RBMS3: variants seen among roughly 807,000 people sequenced by gnomAD.
RBMS3 encodes RNA binding motif single stranded interacting protein 3.
In RBMS3, 27 loss-of-function variants were observed where a neutral mutation model predicts 66.8. That is an observed-to-expected ratio of 0.40 (90% CI 0.30 to 0.56). The LOEUF (loss-of-function observed/expected upper bound fraction) is 0.56. Among genes scored for constraint, RBMS3 ranks in the 20% least tolerant of loss-of-function variants. The probability of loss-of-function intolerance (pLI) is 0.40; values close to 1 mark genes in which losing one functional copy is unlikely to be tolerated. For synonymous variants in RBMS3, 188 were observed against 183.0 expected, an observed-to-expected ratio of 1.03 and a Z score of -0.22; for missense variants, 513 against 549.5, an observed-to-expected ratio of 0.93 and a Z score of 0.66.
intron 5 of RBMS3, among the ~76,000 whole-genome samples, chr3:29,755,996 G>A (rs968223002): frequency 6.6e-6 from 1 of 152,148 alleles, no homozygotes; most frequent in Non-Finnish European, 1.5e-5. Context: ...TGCAAGTTCA[G>A]TGATAAACAG....
intron 2 of RBMS3, among the ~76,000 whole-genome samples, chr3:29,473,056 C>G (rs1219364573): frequency 6.6e-6 from 1 of 151,692 alleles, no homozygotes; most frequent in Non-Finnish European, 1.5e-5. Context: ...GGTGCATTCA[C>G]AAACCTTGAG....
At chr3:29,598,901 C>A (rs2048053728) in intron 4 of RBMS3, among the ~76,000 whole-genome samples, 1 of 151,714 alleles carries the variant, frequency 6.6e-6, no homozygotes, top group South Asian at 2.1e-4. Flanking sequence ...TTCAGTAGGG[C>A]AAAATGAAGA....
chr3:29,926,105 A>T (rs1364268403), intron 10 of RBMS3, among the ~76,000 whole-genome samples: 1 of 152,122 alleles, frequency 6.6e-6, no homozygotes, highest in African/African-American at 2.4e-5. Context: ...TAACCTTAGA[A>T]TATGTCTGTT....
chr3:29,878,666 T>C (rs150350620), intron 7 of RBMS3, among the ~76,000 whole-genome samples: 268 of 152,228 alleles, frequency 1.8e-3, no homozygotes, highest in Non-Finnish European at 2.9e-3. Flanking sequence ...TTTTCCCTCT[T>C]AAAAATTTTA....
chr3:29,354,249 ATG>A (rs1337142988), intron 1 of RBMS3, among the ~76,000 whole-genome samples: 1 of 152,064 alleles, frequency 6.6e-6, no homozygotes, highest in Non-Finnish European at 1.5e-5. Context: ...CTCATTCCAC[ATG>A]TGTGTGTATG....
At chr3:29,872,712 C>T (rs2059521405) in intron 7 of RBMS3, among the ~76,000 whole-genome samples, 1 of 152,174 alleles carries the variant, frequency 6.6e-6, no homozygotes, top group African/African-American at 2.4e-5. Flanking sequence ...GGTGCCTCCT[C>T]CAGGAGCATC....
At chr3:29,974,818 ATAAAATACGTTTATATATTTATAT>A in intron 12 of RBMS3, among the ~76,000 whole-genome samples, 3 of 117,818 alleles carry the variant, frequency 2.5e-5, no homozygotes, top group East Asian at 5.9e-4. Context: ...TATTTTATAT[ATAAAATACGTTTATATATTTATAT>A]TTTTATATAT....
chr3:30,001,828 T>C (rs1314968629), intron 14 of RBMS3, among the ~76,000 whole-genome samples: 1 of 151,842 alleles, frequency 6.6e-6, no homozygotes, highest in Non-Finnish European at 1.5e-5. Context: ...ATTTCTAAAA[T>C]GTCCAACTTA....
chr3:29,920,938 T>TG (rs1406565345), intron 10 of RBMS3, among the ~76,000 whole-genome samples: 1 of 152,120 alleles, frequency 6.6e-6, no homozygotes. Flanking sequence ...TGTGTACATT[T>TG]GGGGGTGCCG....
chr3:29,773,302 G>A (rs1310964112), intron 6 of RBMS3, among the ~76,000 whole-genome samples: 2 of 152,064 alleles, frequency 1.3e-5, no homozygotes, highest in South Asian at 2.1e-4. Flanking sequence ...TTTAGAGGTG[G>A]TGAATATGCA....
intron 2 of RBMS3, among the ~76,000 whole-genome samples, chr3:29,483,309 CAAAAAAAAA>C (rs72225547): frequency 1.7e-3 from 129 of 75,618 alleles, no homozygotes; most frequent in Non-Finnish European, 3.3e-3. Flanking sequence ...TTCGTCTTAA[CAAAAAAAAA>C]AAAAAAAGAA....
intron 3 of RBMS3, among the ~76,000 whole-genome samples, chr3:29,503,847 G>C (rs1299053770): frequency 1.3e-5 from 2 of 152,104 alleles, no homozygotes; most frequent in Admixed American, 6.6e-5. Flanking sequence ...TGGCATCCCT[G>C]TTCCTCCATG....
At chr3:29,534,237 C>T (rs1213889712) in intron 3 of RBMS3, among the ~76,000 whole-genome samples, 3 of 152,202 alleles carry the variant, frequency 2.0e-5, no homozygotes, top group Admixed American at 6.5e-5. Context: ...TGAGCTAAGC[C>T]TTTACTACCA....
chr3:29,514,672 T>TATATATATGATAGGCATAC (rs1485577238), intron 3 of RBMS3, among the ~76,000 whole-genome samples: 2 of 144,886 alleles, frequency 1.4e-5, no homozygotes, highest in Non-Finnish European at 3.0e-5. Flanking sequence ...TATATATATA[T>TATATATATGATAGGCATAC]ATATATATGA....
At chr3:29,578,947 G>A (rs1485611115) in intron 3 of RBMS3, among the ~76,000 whole-genome samples, 2 of 145,206 alleles carry the variant, frequency 1.4e-5, no homozygotes, top group Non-Finnish European at 3.0e-5. Flanking sequence ...GACTACAGGC[G>A]CCCGCCACCG....
At chr3:29,828,841 G>A (rs751601079) in intron 6 of RBMS3, among the ~76,000 whole-genome samples, 12 of 152,032 alleles carry the variant, frequency 7.9e-5, no homozygotes, top group Non-Finnish European at 1.2e-4. Context: ...TGCATTCCTG[G>A]CAATCAATTT....
intron 4 of RBMS3, among the ~76,000 whole-genome samples, chr3:29,702,721 C>T (rs570484894): frequency 6.6e-6 from 1 of 152,198 alleles, no homozygotes; most frequent in East Asian, 1.9e-4. Context: ...GCCTCAAGAG[C>T]TGTAACACTC....
chr3:29,385,856 G>A (rs1410165925), intron 1 of RBMS3, among the ~76,000 whole-genome samples: 1 of 152,000 alleles, frequency 6.6e-6, no homozygotes, highest in African/African-American at 2.4e-5. Flanking sequence ...TCCTATTTTA[G>A]CAGCTCAACA....
intron 6 of RBMS3, among the ~76,000 whole-genome samples, chr3:29,803,012 G>C (rs559958696): frequency 6.6e-6 from 1 of 152,080 alleles, no homozygotes; most frequent in Non-Finnish European, 1.5e-5. Context: ...TGGGACGAAC[G>C]GCTTTATCTG....
Sources: allele counts gnomAD v4.1 joint callset (sites outside exome capture counted in the v4.1 genomes callset), GRCh38; gene constraint gnomAD v4.1.1; transcripts MANE v1.5; gene names NCBI Gene and HGNC (gene_info 2026-07-23, HGNC 2026-07-21).